GPD2: variants seen among roughly 807,000 people sequenced by gnomAD.
GPD2 encodes glycerol-3-phosphate dehydrogenase 2.
GPD2 carries 54 observed loss-of-function variants against 82.4 expected under a neutral mutation model. The ratio of observed to expected loss-of-function variants is 0.66; its 90% confidence interval spans 0.53 to 0.82. GPD2 has a LOEUF of 0.82. GPD2 is among the 40% of genes least tolerant of loss of function. The pLI is 0.00. For missense variants in GPD2, 748 were observed against 896.2 expected, an observed-to-expected ratio of 0.83 and a Z score of 2.11; for synonymous variants, 288 against 306.1, an observed-to-expected ratio of 0.94 and a Z score of 0.62.
chr2:156,454,584 A>T (rs1294175971), intron 1 of GPD2, among the ~76,000 whole-genome samples: 1 of 152,200 alleles, frequency 6.6e-6, no homozygotes, highest in Non-Finnish European at 1.5e-5. Context: ...ATTCAGGTTA[A>T]ATCTTACTTT....
chr2:156,508,508 C>T (rs1180913773), intron 3 of GPD2, among the ~76,000 whole-genome samples: 1 of 152,026 alleles, frequency 6.6e-6, no homozygotes, highest in African/African-American at 2.4e-5. Flanking sequence ...CTGTAGGATA[C>T]CTTAGGGTAG....
the GPD2 span, among the ~76,000 whole-genome samples, chr2:156,409,001 T>C: frequency 9.2e-4 from 140 of 152,258 alleles, no homozygotes; most frequent in Non-Finnish European, 1.6e-3. Flanking sequence ...AAGGGAAAGG[T>C]TGGACAGAGA....
rs41492145 is a variant in GPD2 at position 156,570,671 on chromosome 2, T to A, written c.1608+453T>A. On this transcript the variant is annotated intron_variant, in intron 12 of 16. Transcript: ENST00000438166. The stretch of plus-strand genomic sequence containing the variant: ...TGTGCCTTAAAATATCGATGTCCAG[T>A]GAACATTTACTTGTTGATTGAATTC... 2.4e-3 allele frequency among the ~76,000 whole-genome samples: 358 copies of A among 152,294 alleles called. 1 individual carries two copies. The highest frequency in any genetic ancestry group is 8.2e-3 in the African/African-American group (339 of 41,588).
chr2:156,565,202 G>A (rs886094078), intron 9 of GPD2, among the ~76,000 whole-genome samples: 1 of 152,098 alleles, frequency 6.6e-6, no homozygotes, highest in Non-Finnish European at 1.5e-5. Flanking sequence ...TTCCTGATCA[G>A]TGTGGCTACC....
intron 1 of GPD2, among the ~76,000 whole-genome samples, chr2:156,474,280 CAT>C (rs1462830671): frequency 4.6e-5 from 7 of 152,144 alleles, no homozygotes; most frequent in Non-Finnish European, 8.8e-5. Flanking sequence ...TCTATAGGAT[CAT>C]AGTTATCAAC....
At chr2:156,406,130 G>A in the GPD2 span, among the ~76,000 whole-genome samples, 11 of 151,916 alleles carry the variant, frequency 7.2e-5, no homozygotes, top group African/African-American at 2.4e-4. Context: ...TAGCCCTAGG[G>A]AAACGGTGGA....
chr2:156,508,606 A>G (rs1301285685), intron 3 of GPD2, among the ~76,000 whole-genome samples: 2 of 152,142 alleles, frequency 1.3e-5, no homozygotes, highest in African/African-American at 4.8e-5. Context: ...CCTGCCTCTC[A>G]TGGTGTGGGC....
chr2:156,535,560 CTTG>C (rs747133699), intron 6 of GPD2, among the ~76,000 whole-genome samples: 3 of 151,666 alleles, frequency 2.0e-5, no homozygotes, highest in East Asian at 1.9e-4. Context: ...CCCAGATTTT[CTTG>C]TTGTTGTTTT....
intron 1 of GPD2, among the ~76,000 whole-genome samples, chr2:156,452,451 G>A (rs1682644555): frequency 6.6e-6 from 1 of 152,388 alleles, no homozygotes; most frequent in South Asian, 2.1e-4. Flanking sequence ...GCTGAGGCAG[G>A]AGAATCAGGC....
chr2:156,411,435 C>T, the GPD2 span, among the ~76,000 whole-genome samples: 1 of 152,102 alleles, frequency 6.6e-6, no homozygotes, highest in Admixed American at 6.6e-5. Context: ...CCTCCCTCAG[C>T]CTCCCAAGTA....
At chr2:156,438,205 A>G (rs1329591866) in intron 1 of GPD2, among the ~76,000 whole-genome samples, 1 of 152,198 alleles carries the variant, frequency 6.6e-6, no homozygotes, top group Non-Finnish European at 1.5e-5. Context: ...AGCTGAGGGT[A>G]GTTGTGGAGC....
the GPD2 span, among the ~76,000 whole-genome samples, chr2:156,428,840 G>A: frequency 6.6e-6 from 1 of 152,156 alleles, no homozygotes; most frequent in Admixed American, 6.5e-5. Flanking sequence ...GGCTTTATAT[G>A]ATGATTTTGC....
At chr2:156,459,499 A>G (rs1458145720) in intron 1 of GPD2, among the ~76,000 whole-genome samples, 2 of 151,908 alleles carry the variant, frequency 1.3e-5, no homozygotes, top group South Asian at 2.1e-4. Flanking sequence ...ATCCTGGCCA[A>G]CATGGTGAAA....
chr2:156,441,623 T>A (rs1376775123), intron 1 of GPD2, among the ~76,000 whole-genome samples: 1 of 151,998 alleles, frequency 6.6e-6, no homozygotes, highest in Non-Finnish European at 1.5e-5. Context: ...ATTATCAAAT[T>A]TGAGGATGGG....
intron 9 of GPD2, among the ~76,000 whole-genome samples, chr2:156,565,692 T>A (rs1022380292): frequency 1.3e-5 from 2 of 152,270 alleles, no homozygotes; most frequent in East Asian, 3.9e-4. Flanking sequence ...GTGTAGCCTT[T>A]AAGAATCTAT....
intron 9 of GPD2, among the ~76,000 whole-genome samples, chr2:156,564,286 T>C (rs1364711919): frequency 6.6e-6 from 1 of 152,162 alleles, no homozygotes; most frequent in Non-Finnish European, 1.5e-5. Flanking sequence ...CCCCTGTGGT[T>C]ACCTCATGGC....
In GPD2 at chr2:156,462,759, AC is replaced by A. The variant is rs1250026316; in HGVS notation, c.-8-13337del. ...AAGAGTTAGAGCCAGAACATTGAAA[AC>A]CAAGTGTTAAAATTCTAGTAAGTAG... On this transcript the variant is annotated intron_variant, in intron 1 of 16. Coordinates refer to ENST00000438166, the MANE Select transcript of GPD2 (RefSeq NM_000408.5). 2.6e-5 allele frequency among the ~76,000 whole-genome samples: 4 copies of A among 152,258 alleles called. 1 individual carries two copies. Among genetic ancestry groups the A allele is most frequent in the Admixed American group, 1.3e-4 (2 of 15,284 alleles).
chr2:156,519,410 A>G (rs985864851), intron 6 of GPD2, among the ~76,000 whole-genome samples: 2 of 152,214 alleles, frequency 1.3e-5, no homozygotes, highest in Non-Finnish European at 2.9e-5. Flanking sequence ...ACAAAGAACT[A>G]TTGAATAAGA....
intron 3 of GPD2, among the ~76,000 whole-genome samples, chr2:156,502,572 G>A (rs1487224151): frequency 3.3e-5 from 5 of 152,058 alleles, no homozygotes; most frequent in Non-Finnish European, 5.9e-5. Context: ...ATCTAAAAGT[G>A]TGTGCCACCA....
Sources: gnomAD v4.1 joint callset for allele counts (sites outside exome capture counted in the v4.1 genomes callset) on GRCh38, gnomAD v4.1.1 for gene constraint, MANE v1.5 for transcripts, NCBI Gene and HGNC (gene_info 2026-07-23, HGNC 2026-07-21) for gene names.